Variants in SPEF2 observed in about 807,000 individuals in gnomAD.
SPEF2 encodes the protein sperm flagella and cilia-associated protein 2.
A neutral mutation model predicts 224.6 loss-of-function variants in SPEF2; 187 were observed. The ratio of observed to expected loss-of-function variants is 0.83; its 90% CI spans 0.74 to 0.94. SPEF2 has a LOEUF of 0.94. Ranked by LOEUF, SPEF2 falls within the 40% of genes least tolerant of loss-of-function variation. SPEF2 has a pLI of 0.00. For synonymous variants in SPEF2, 715 were observed against 707.3 expected (o/e 1.01, Z -0.17); for missense variants, 2,170 against 2,135.6 (o/e 1.02, Z -0.32).
At position 35,751,025 on chromosome 5, in the gene SPEF2, G is replaced by GTA. The variant is rs1229060564; in HGVS notation, c.3331-2590_3331-2589dup. On this transcript the variant is annotated intron_variant, in intron 23 of 36. Coordinates refer to ENST00000356031, the MANE Select transcript of SPEF2 (RefSeq NM_024867.4). ...TATATATATATACGTATATATATACGTATATATATACACATATGTATATAT... is the reference window on the plus strand; with the variant it reads ...TATATATATATACGTATATATATACGTATATATATATACACATATGTATATAT... Among the ~76,000 whole-genome samples the GTA allele has an allele frequency of 1.0e-3, 70 of 68,718 alleles. 1 individual carries two copies. The highest frequency in any genetic ancestry group is 3.6e-3 in the African/African-American group (63 of 17,280). The allele number at this position is 68,718 out of a possible 152,430, so 45.1% of individuals were successfully genotyped here. A position where few individuals can be genotyped will look rare whatever the true frequency, so the allele number is the denominator to read the frequency against.
chr5:35,714,218 G>A (rs981412350), intron 20 of SPEF2, among the ~76,000 whole-genome samples: 1 of 150,674 alleles, frequency 6.6e-6, no homozygotes, highest in Non-Finnish European at 1.5e-5. Flanking sequence ...TAATTCTTAT[G>A]ACTTGTTTGA....
chr5:35,676,005 G>T lies in SPEF2; in HGVS notation c.1524+5778G>T, dbSNP rs1177503366. Reference sequence around the variant, plus strand: ...CACTGGAGACAAGGTAAGTTCATTTGAAAACCATGGTAGAAATTGTTGAAT... The same window carrying T: ...CACTGGAGACAAGGTAAGTTCATTTTAAAACCATGGTAGAAATTGTTGAAT... On this transcript the variant is annotated intron_variant, in intron 10 of 36. Coordinates refer to ENST00000356031, the MANE Select transcript of SPEF2 (RefSeq NM_024867.4). 8.8e-6 allele frequency: 4 copies of T among 456,100 alleles called. No individual in the cohort carries two copies. In the Admixed American group the frequency reaches 9.4e-5, roughly 11 times the overall value. 28.3% of individuals were successfully genotyped at this position (456,100 alleles called of 1,614,324 possible).
chr5:35,671,401 T>C, intron 10 of SPEF2: 1 of 970,882 alleles, frequency 1.0e-6, no homozygotes, highest in Non-Finnish European at 1.2e-6. Context: ...TTATTAAGGA[T>C]TGACTAGAAC....
At chr5:35,678,680 C>A (rs1177709523) in intron 10 of SPEF2, 1 of 152,186 alleles carries the variant, frequency 6.6e-6, no homozygotes, top group Non-Finnish European at 1.5e-5. Context: ...GAAACTGGGC[C>A]CCAACGCAGA....
At chr5:35,673,767 T>G (rs1751505033) in intron 10 of SPEF2, among the ~76,000 whole-genome samples, 1 of 152,192 alleles carries the variant, frequency 6.6e-6, no homozygotes, top group African/African-American at 2.4e-5. Flanking sequence ...TAATGTACAT[T>G]TTTATTAACA....
At chr5:35,760,255 C>G (rs925732808) in intron 25 of SPEF2, among the ~76,000 whole-genome samples, 2 of 151,568 alleles carry the variant, frequency 1.3e-5, no homozygotes, top group Admixed American at 6.6e-5. Context: ...CCCAGCTACT[C>G]AGGAGGCTGA....
chr5:35,637,277 G>T (rs542564606), intron 2 of SPEF2, among the ~76,000 whole-genome samples: 3 of 152,284 alleles, frequency 2.0e-5, no homozygotes, highest in Admixed American at 6.5e-5. Context: ...CCAGAGTTAT[G>T]AAAAGGTTGA....
At chr5:35,760,918 A>G (rs1580627313) in intron 25 of SPEF2, among the ~76,000 whole-genome samples, 2 of 152,314 alleles carry the variant, frequency 1.3e-5, no homozygotes, top group Non-Finnish European at 1.5e-5. Flanking sequence ...TAAATAAAGT[A>G]TAGTGAAGAA....
intron 34 of SPEF2, among the ~76,000 whole-genome samples, chr5:35,801,140 G>A (rs1306393426): frequency 6.6e-6 from 1 of 152,218 alleles, no homozygotes; most frequent in Non-Finnish European, 1.5e-5. Context: ...TCAACACACA[G>A]TGGCAGAAAG....
chr5:35,792,546 A>G (rs925519268), intron 31 of SPEF2, 100 bp downstream of exon 31: 1 of 886,724 alleles, frequency 1.1e-6, no homozygotes, highest in Admixed American at 2.4e-5. Context: ...AGTGTCTGAC[A>G]TTTAGTAGGC....
chr5:35,800,972 T>C (rs1328505914), intron 34 of SPEF2, among the ~76,000 whole-genome samples: 3 of 152,190 alleles, frequency 2.0e-5, no homozygotes, highest in African/African-American at 7.2e-5. Context: ...ACTGCATTCA[T>C]GGGAGGGAAG....
At chr5:35,753,867 C>G (rs1750053777) in intron 24 of SPEF2, 106 bp downstream of exon 24, 2 of 1,396,676 alleles carry the variant, frequency 1.4e-6, no homozygotes, top group Admixed American at 1.8e-5. Context: ...GTTCAGGGCT[C>G]ATTTTGGTAT....
chr5:35,621,798 T>C (rs960637889), intron 1 of SPEF2, among the ~76,000 whole-genome samples: 1 of 152,188 alleles, frequency 6.6e-6, no homozygotes, highest in South Asian at 2.1e-4. Context: ...GGAGGGGCAG[T>C]CAAAGCTAAT....
intron 21 of SPEF2, 132 bp from the exon 22 acceptor site, chr5:35,739,787 A>G: frequency 1.1e-6 from 1 of 921,752 alleles, no homozygotes; most frequent in Admixed American, 2.7e-5. Context: ...AGGAGCAAGA[A>G]GTCTCACAGG....
chr5:35,762,549 T>G (rs772199156), intron 25 of SPEF2, among the ~76,000 whole-genome samples: 95 of 152,224 alleles, frequency 6.2e-4, no homozygotes, highest in Admixed American at 2.0e-4. Flanking sequence ...TTCATTTTTC[T>G]GAATCACTGC....
chr5:35,789,297 A>G lies in SPEF2; in HGVS notation c.4448-3043A>G, dbSNP rs758847544. Reference sequence around the variant, plus strand: ...CTTAGCATTCTGTCCTGTGTCAATAAGAATAGAAATTCCTCAATTGCTGAC... The same window carrying G: ...CTTAGCATTCTGTCCTGTGTCAATAGGAATAGAAATTCCTCAATTGCTGAC... On this transcript the variant is annotated intron_variant, in intron 30 of 36. Transcript: ENST00000356031. The G allele has an allele frequency of 6.3e-5, 44 of 703,312 alleles. No homozygotes were observed. In the South Asian group the frequency reaches 6.5e-4, roughly 10 times the overall value. 43.6% of individuals were successfully genotyped at this position (703,312 alleles called of 1,614,324 possible). A position where few individuals can be genotyped will look rare whatever the true frequency, so the allele number is the denominator to read the frequency against.
intron 19 of SPEF2, chr5:35,710,268 G>A (rs1345530126): frequency 1.0e-6 from 1 of 984,136 alleles, no homozygotes; most frequent in African/African-American, 1.7e-5. Context: ...TTAGAACTGG[G>A]GAAGACAGGC....
At position 35,680,735 on chromosome 5, in the gene SPEF2, G is replaced by A. The variant is rs191064955; in HGVS notation, c.1525-10302G>A. Among the ~76,000 whole-genome samples, 346 of 152,242 alleles carry A rather than the reference G, an allele frequency of 2.3e-3. 1 individual carries two copies. The highest frequency in any genetic ancestry group is 4.1e-3 in the Admixed American group (62 of 15,294). ...TGTGAAGTATGAGTAGACATCAGTT[G>A]ATTTAAAGGTATTAATGCAAAACGG... On this transcript the variant is annotated intron_variant, in intron 10 of 36. Transcript: ENST00000356031.
intron 10 of SPEF2, among the ~76,000 whole-genome samples, chr5:35,687,850 A>G (rs1403364962): frequency 2.0e-5 from 3 of 152,174 alleles, no homozygotes; most frequent in Admixed American, 1.3e-4. Flanking sequence ...GAAGCTTTCT[A>G]TATACAGAAT....
Sources: allele counts gnomAD v4.1 joint callset (sites outside exome capture counted in the v4.1 genomes callset), GRCh38; gene constraint gnomAD v4.1.1; transcripts MANE v1.5; gene names NCBI Gene and HGNC (gene_info 2026-07-23, HGNC 2026-07-21).